CACNA1C: variants seen among roughly 807,000 people sequenced by gnomAD.
CACNA1C encodes voltage-dependent L-type calcium channel subunit alpha-1C.
In CACNA1C, 30 loss-of-function variants were observed where a neutral mutation model predicts 229.0. The ratio of observed to expected loss-of-function variants is 0.13; its 90% CI spans 0.10 to 0.18. CACNA1C has a LOEUF of 0.18. Among genes scored for constraint, CACNA1C ranks in the 10% least tolerant of loss-of-function variants. The probability of loss-of-function intolerance (pLI) is 1.00; values close to 1 mark genes in which losing one functional copy is unlikely to be tolerated. For missense variants in CACNA1C, 1,658 were observed against 2,845.0 expected (o/e 0.58, Z 9.49); for synonymous variants, 1,114 against 1,132.5 (o/e 0.98, Z 0.33).
At chr12:2,166,046 C>T (rs750214399) in intron 3 of CACNA1C, among the ~76,000 whole-genome samples, 1 of 152,216 alleles carries the variant, frequency 6.6e-6, no homozygotes, top group African/African-American at 2.4e-5. Context: ...CAGGGTGAAA[C>T]TTCAAAGACT....
Position 2,085,109 on chromosome 12 carries a change from T to G in CACNA1C, c.50-30115T>G, listed in dbSNP as rs555862996. Among the ~76,000 whole-genome samples, 223 of 152,290 alleles carry G rather than the reference T, an allele frequency of 1.5e-3. 1 individual carries two copies. Among genetic ancestry groups the G allele is most frequent in the African/African-American group, 5.0e-3 (208 of 41,574 alleles). ...ATCAGTAGAGACCTCCCAGGGTAAA[T>G]GTATCAGTGAGTCAATCCCTAGGCA... On this transcript the variant is annotated intron_variant, in intron 1 of 46. Coordinates refer to ENST00000399655, the MANE Select transcript of CACNA1C (RefSeq NM_000719.7).
At chr12:2,378,735 G>A (rs1009378324) in intron 3 of CACNA1C, among the ~76,000 whole-genome samples, 1 of 152,024 alleles carries the variant, frequency 6.6e-6, no homozygotes, top group Non-Finnish European at 1.5e-5. Context: ...CATTGCTCTC[G>A]GCCATTGCTT....
rs569801785 is a variant in CACNA1C at position 2,228,934 on chromosome 12, TTA to T, written c.477+108506_477+108507del. On this transcript the variant is annotated intron_variant, in intron 3 of 46. Coordinates refer to ENST00000399655, the MANE Select transcript of CACNA1C (RefSeq NM_000719.7). ...GGAGTATTTTCCAGGAGCTAGAATATTATGTGTGTGTGTGTGCATATCTCCTG... is the reference window on the plus strand; with the variant it reads ...GGAGTATTTTCCAGGAGCTAGAATATTGTGTGTGTGTGTGCATATCTCCTG... 4.1e-3 allele frequency among the ~76,000 whole-genome samples: 616 copies of T among 151,034 alleles called. 11 individuals are homozygous for T. The highest frequency in any genetic ancestry group is 0.033 in the South Asian group (153 of 4,696).
intron 3 of CACNA1C, among the ~76,000 whole-genome samples, chr12:2,195,260 G>C (rs772793241): frequency 1.3e-5 from 2 of 152,188 alleles, no homozygotes; most frequent in Non-Finnish European, 2.9e-5. Context: ...CCTGATCACA[G>C]CTGGAGGACC....
intron 3 of CACNA1C, among the ~76,000 whole-genome samples, chr12:2,213,005 CT>C (rs2097975260): frequency 6.6e-6 from 1 of 152,198 alleles, no homozygotes. Flanking sequence ...ATCACAGTGG[CT>C]CCTCTGGCGG....
chr12:2,661,280 T>TACACACACACACACACACACACACACAC (rs1210712672), intron 34 of CACNA1C, among the ~76,000 whole-genome samples: 4 of 123,414 alleles, frequency 3.2e-5, no homozygotes, highest in South Asian at 2.8e-4. Flanking sequence ...TACACACACA[T>TACACACACACACACACACACACACACAC]ACACACACAC....
chr12:2,248,085 T>C (rs2074122547), intron 3 of CACNA1C, among the ~76,000 whole-genome samples: 1 of 152,220 alleles, frequency 6.6e-6, no homozygotes, highest in South Asian at 2.1e-4. Flanking sequence ...TGTGTGTTCA[T>C]TGGAGAAACA....
intron 5 of CACNA1C, 143 bp from the exon 6 acceptor site, chr12:2,485,961 G>A (rs972471642): frequency 8.4e-6 from 5 of 594,660 alleles, no homozygotes; most frequent in South Asian, 3.3e-5. Context: ...AGTCCTTGGC[G>A]TGTGGCTCTG....
chr12:2,685,820 T>G lies in CACNA1C; in HGVS notation c.5658T>G (p.Gly1886=). Residue 1886 remains glycine (G), a synonymous_variant, in exon 44 of 47, where the codon GGT becomes GGG. Coordinates refer to ENST00000399655, the MANE Select transcript of CACNA1C (RefSeq NM_000719.7). Reference sequence around the variant, plus strand: ...ACATCCGGCAATCTCCGAAGAGGGGTTTCCTCCGCTCTGCCTCACTAGGTA... The same window carrying G: ...ACATCCGGCAATCTCCGAAGAGGGGGTTCCTCCGCTCTGCCTCACTAGGTA... ...KRDIRQSPKR[G]FLRSASLGRR... is the part of the protein sequence containing the mutation. 2.5e-6 allele frequency: 4 copies of G among 1,612,682 alleles called. No homozygotes were observed. Among genetic ancestry groups the G allele is most frequent in the Non-Finnish European group, 3.4e-6 (4 of 1,178,896 alleles).
intron 3 of CACNA1C, among the ~76,000 whole-genome samples, chr12:2,339,522 A>G (rs1282770577): frequency 6.6e-6 from 1 of 152,176 alleles, no homozygotes; most frequent in Non-Finnish European, 1.5e-5. Context: ...TAACTTGATG[A>G]CTCTTATAAT....
At chr12:2,352,381 A>G (rs1042361681) in intron 3 of CACNA1C, among the ~76,000 whole-genome samples, 1 of 152,216 alleles carries the variant, frequency 6.6e-6, no homozygotes, top group Non-Finnish European at 1.5e-5. Flanking sequence ...AGTCTTCATC[A>G]ATCATACAAA....
intron 1 of CACNA1C, among the ~76,000 whole-genome samples, chr12:2,001,876 C>T (rs1255404308): frequency 6.6e-6 from 1 of 152,212 alleles, no homozygotes; most frequent in East Asian, 1.9e-4. Flanking sequence ...CCAAAAACGT[C>T]TCCAGACACT....
At chr12:2,421,704 A>G (rs1342987727) in intron 3 of CACNA1C, among the ~76,000 whole-genome samples, 1 of 152,110 alleles carries the variant, frequency 6.6e-6, no homozygotes, top group African/African-American at 2.4e-5. Flanking sequence ...TGAGGTTAGG[A>G]GATCCAGACC....
chr12:2,360,422 G>GCTGC (rs1448340826), intron 3 of CACNA1C, among the ~76,000 whole-genome samples: 2 of 152,186 alleles, frequency 1.3e-5, no homozygotes, highest in Non-Finnish European at 2.9e-5. Flanking sequence ...GGGCATCAAA[G>GCTGC]CTGCCCTACA....
chr12:2,005,720 G>A (rs1403635164), intron 1 of CACNA1C, among the ~76,000 whole-genome samples: 1 of 152,182 alleles, frequency 6.6e-6, no homozygotes, highest in African/African-American at 2.4e-5. Context: ...CAGTGGTCCA[G>A]TATTTTCCAA....
At chr12:1,974,196 C>T (rs529311100) in intron 1 of CACNA1C, among the ~76,000 whole-genome samples, 1 of 152,190 alleles carries the variant, frequency 6.6e-6, no homozygotes, top group South Asian at 2.1e-4. Context: ...CTTGTAATTG[C>T]TAATATCAAT....
rs113059068 is a variant in CACNA1C, at chr12:2,334,398, G to A, written c.478-114578G>A. The stretch of plus-strand genomic sequence containing the variant: ...ATTCTAGGCTCAAAAGGACAGGAGC[G>A]CTGGTTCATTAGGATGCTCAACTTC... On this transcript the variant is annotated intron_variant, in intron 3 of 46. Coordinates refer to ENST00000399655, the MANE Select transcript of CACNA1C (RefSeq NM_000719.7). Among the ~76,000 whole-genome samples the A allele has an allele frequency of 2.0e-3, 305 of 152,316 alleles. 1 individual carries two copies. The highest frequency in any genetic ancestry group is 7.0e-3 in the African/African-American group (290 of 41,572).
At chr12:2,408,416 C>T (rs2098762936) in intron 3 of CACNA1C, among the ~76,000 whole-genome samples, 1 of 151,956 alleles carries the variant, frequency 6.6e-6, no homozygotes, top group South Asian at 2.1e-4. Context: ...TATTTTACCA[C>T]AGTTTTACAA....
At chr12:2,183,584 C>CT (rs1458893106) in intron 3 of CACNA1C, among the ~76,000 whole-genome samples, 1 of 152,170 alleles carries the variant, frequency 6.6e-6, no homozygotes, top group African/African-American at 2.4e-5. Context: ...AGACCCCCCC[C>CT]CGGCTTTCAT....
Sources: allele counts gnomAD v4.1 joint callset (sites outside exome capture counted in the v4.1 genomes callset), GRCh38; gene constraint gnomAD v4.1.1; transcripts MANE v1.5; gene names NCBI Gene and HGNC (gene_info 2026-07-23, HGNC 2026-07-21).